OGDH: variants seen among roughly 807,000 people sequenced by gnomAD.
The protein encoded by OGDH is oxoglutarate dehydrogenase, also known as 2-oxoglutarate dehydrogenase complex component E1.
In OGDH, 38 loss-of-function variants were observed where a neutral mutation model predicts 116.6. The ratio of observed to expected loss-of-function variants is 0.33; its 90% CI spans 0.25 to 0.43. The LOEUF (loss-of-function observed/expected upper bound fraction) is 0.43. OGDH is among the 20% of genes least tolerant of loss of function. The probability of loss-of-function intolerance (pLI) is 1.00; values close to 1 mark genes in which losing one functional copy is unlikely to be tolerated. For missense variants in OGDH, 825 were observed against 1,357.2 expected (o/e 0.61, Z 6.16); for synonymous variants, 488 against 533.3 (o/e 0.92, Z 1.17).
rs373846462 is a variant in OGDH at position 44,649,245 on chromosome 7, G to GTTTTTT, written c.517+1503_517+1508dup. ...AGCTGCGGAATGCTCATTTTCTGTTGTTTTTTTTTTTTTTTTTTTTTTGAG... is the reference window on the plus strand; with the variant it reads ...AGCTGCGGAATGCTCATTTTCTGTTGTTTTTTTTTTTTTTTTTTTTTTTTTTTTGAG... On this transcript the variant is annotated intron_variant, in intron 4 of 22. Coordinates refer to ENST00000222673, the MANE Select transcript of OGDH (RefSeq NM_002541.4). Among the ~76,000 whole-genome samples the GTTTTTT allele has an allele frequency of 1.6e-4, 16 of 97,704 alleles. 1 individual carries two copies. The highest frequency in any genetic ancestry group is 1.0e-3 in the East Asian group (3 of 3,004). The allele number at this position is 97,704 out of a possible 152,430, so 64.1% of individuals were successfully genotyped here. A position where few individuals can be genotyped will look rare whatever the true frequency, so the allele number is the denominator to read the frequency against.
chr7:44,673,477 G>A (rs1304465585), intron 5 of OGDH, among the ~76,000 whole-genome samples: 1 of 152,180 alleles, frequency 6.6e-6, no homozygotes, highest in East Asian at 1.9e-4. Context: ...CACAACTGTT[G>A]CGGTCTGTGC....
chr7:44,696,305 G>T, intron 13 of OGDH, 124 bp from the exon 14 acceptor site: 1 of 1,284,274 alleles, frequency 7.8e-7, no homozygotes. Flanking sequence ...AATGTTTTCT[G>T]GGGAACACAG....
intron 9 of OGDH, among the ~76,000 whole-genome samples, chr7:44,679,426 A>T (rs1344204016): frequency 6.6e-6 from 1 of 152,154 alleles, no homozygotes; most frequent in Non-Finnish European, 1.5e-5. Flanking sequence ...ACATCCACCA[A>T]AAGGCAGGAC....
intron 2 of OGDH, among the ~76,000 whole-genome samples, chr7:44,629,084 T>A (rs1785318722): frequency 6.6e-6 from 1 of 152,224 alleles, no homozygotes; most frequent in Non-Finnish European, 1.5e-5. Context: ...ATATTTGAGG[T>A]CACATCAAAT....
rs1135689 is a variant in OGDH at position 44,707,734 on chromosome 7, C to G, written c.2949C>G (p.Val983=). Residue 983 remains valine, a splice_region_variant and synonymous_variant, in exon 22 of 23, where the codon GTC becomes GTG. Transcript: ENST00000222673. This position sits in a 1 kb window ranked among gnomAD's most constrained non-coding sequence, Gnocchi z 5.2. ...CCACCATCAGCCGCGCCAAGCCCGT[C>G]TGGTAAGGCTTCAGTCCCTGCCAGG... The part of the protein sequence containing the change: ...LRTTISRAKP[V]WYAGRDPAAA... The G allele has an allele frequency of 6.2e-7, 1 of 1,614,038 alleles. No homozygotes were observed. Among genetic ancestry groups the G allele is most frequent in the African/African-American group, 1.3e-5 (1 of 74,932 alleles).
chr7:44,676,271 G>A (rs1371770040), intron 9 of OGDH, 122 bp downstream of exon 9: 1 of 1,552,828 alleles, frequency 6.4e-7, no homozygotes, highest in Non-Finnish European at 8.7e-7. Flanking sequence ...AATATTTAAA[G>A]TCGGCCGGGC....
chr7:44,658,799 T>A (rs1786807796), intron 4 of OGDH, among the ~76,000 whole-genome samples: 1 of 152,150 alleles, frequency 6.6e-6, no homozygotes, highest in Non-Finnish European at 1.5e-5. Context: ...TTTTGTCAGA[T>A]GTTTTTCCTG....
chr7:44,650,990 G>T (rs1379744313), intron 4 of OGDH, among the ~76,000 whole-genome samples: 1 of 152,238 alleles, frequency 6.6e-6, no homozygotes, highest in African/African-American at 2.4e-5. Flanking sequence ...TCACAGCAGT[G>T]ATCATACCCA....
intron 1 of OGDH, among the ~76,000 whole-genome samples, chr7:44,618,457 CTG>C (rs1475855629): frequency 1.3e-5 from 2 of 152,198 alleles, no homozygotes; most frequent in Non-Finnish European, 2.9e-5. Flanking sequence ...TACTTTCTCT[CTG>C]TATAGATTTG....
At chr7:44,657,825 G>T (rs1269927334) in intron 4 of OGDH, among the ~76,000 whole-genome samples, 2 of 152,162 alleles carry the variant, frequency 1.3e-5, no homozygotes, top group Non-Finnish European at 2.9e-5. Context: ...TTTAGATCAA[G>T]ATTCTTTTAT....
At chr7:44,616,342 G>A (rs183235445) in intron 1 of OGDH, among the ~76,000 whole-genome samples, 3 of 152,122 alleles carry the variant, frequency 2.0e-5, no homozygotes, top group African/African-American at 7.2e-5. Context: ...GTGGGGCCAC[G>A]TCTCAGGGAA....
intron 4 of OGDH, among the ~76,000 whole-genome samples, chr7:44,661,201 T>C (rs1450752037): frequency 6.6e-6 from 1 of 152,240 alleles, no homozygotes; most frequent in Non-Finnish European, 1.5e-5. Flanking sequence ...CATGATGGAA[T>C]GTCCCTCTTT....
At chr7:44,627,461 A>T (rs1562620905) in intron 2 of OGDH, among the ~76,000 whole-genome samples, 1 of 152,220 alleles carries the variant, frequency 6.6e-6, no homozygotes, top group Non-Finnish European at 1.5e-5. Flanking sequence ...TTAAATAGAG[A>T]TAATAAAATT....
intron 1 of OGDH, among the ~76,000 whole-genome samples, chr7:44,612,351 C>G (rs1784597850): frequency 6.6e-6 from 1 of 151,914 alleles, no homozygotes. Flanking sequence ...ACTTCTTTTT[C>G]AAAATTGTTT....
rs745663966 is a variant in OGDH at position 44,645,371 on chromosome 7, G to A, written c.267G>A (p.Pro89=). ...GCAACACGAATGCCGGAGCCCCACC[G>A]GGCACTGCCTACCAGAGTCCCCTTC... The part of the protein sequence containing the change: ...FFRNTNAGAP[P]GTAYQSPLPL... Residue 89 remains proline, a synonymous_variant, in exon 3 of 23, where the codon CCG becomes CCA. Transcript: ENST00000222673. 1.2e-5 allele frequency: 19 copies of A among 1,613,940 alleles called. No individual in the cohort carries two copies. Among genetic ancestry groups the A allele is most frequent in the East Asian group, 2.2e-5 (1 of 44,880 alleles).
chr7:44,607,004 C>T (rs769900977), intron 1 of OGDH, among the ~76,000 whole-genome samples: 12 of 152,174 alleles, frequency 7.9e-5, no homozygotes, highest in Non-Finnish European at 1.8e-4. Flanking sequence ...GGCGGTGCGT[C>T]CGCAGGGGTG....
chr7:44,636,482 G>T (rs1243015166), intron 2 of OGDH, among the ~76,000 whole-genome samples: 1 of 152,228 alleles, frequency 6.6e-6, no homozygotes, highest in Non-Finnish European at 1.5e-5. Context: ...CTGCAGTGAG[G>T]GGCAGCCCTG....
In OGDH at chr7:44,696,533, G is replaced by A. The variant is rs1331488423; in HGVS notation, c.1876G>A (p.Val626Met). 1 of 1,614,272 alleles carries A rather than the reference G, an allele frequency of 6.2e-7. No homozygotes were observed. The highest frequency in any genetic ancestry group is 1.7e-5 in the Admixed American group (1 of 60,030). The change falls in exon 14 of 23, where the codon GTG (valine) becomes ATG (methionine). Residue 626 changes from valine to methionine, a missense_variant. Coordinates refer to ENST00000222673, the MANE Select transcript of OGDH (RefSeq NM_002541.4). ...HIGNVASSVP[V>M]ENFTIHGGLS... is the part of the protein sequence containing the mutation. ...CGGGAATGTGGCTAGTTCTGTGCCT[G>A]TGGAAAACTTTACTATTCATGGAGG... is the stretch of plus-strand genomic sequence containing the variant.
At position 44,707,698 on chromosome 7, in the gene OGDH, A is replaced by G. The variant is rs1461165574; in HGVS notation, c.2913A>G (p.Pro971=). The G allele has an allele frequency of 6.2e-7, 1 of 1,614,218 alleles. No individual in the cohort carries two copies. Among genetic ancestry groups the G allele is most frequent in the South Asian group, 1.1e-5 (1 of 91,090 alleles). ...KNQGYYDYVK[P]RLRTTISRAK... ...AAGGCTACTATGACTACGTGAAGCCAAGACTTCGGACCACCATCAGCCGCG... is the reference window on the plus strand; with the variant it reads ...AAGGCTACTATGACTACGTGAAGCCGAGACTTCGGACCACCATCAGCCGCG... The change falls in exon 22 of 23, where the codon CCA becomes CCG. Residue 971 remains proline (P), a synonymous_variant. Coordinates refer to ENST00000222673, the MANE Select transcript of OGDH (RefSeq NM_002541.4). The surrounding 1 kb of genome is among the most constrained non-coding windows in gnomAD (Gnocchi z 5.2).
Sources: allele counts gnomAD v4.1 joint callset (sites outside exome capture counted in the v4.1 genomes callset), GRCh38; gene constraint gnomAD v4.1.1; non-coding constraint Gnocchi (gnomAD v3.1); transcripts MANE v1.5; gene names NCBI Gene and HGNC (gene_info 2026-07-23, HGNC 2026-07-21).